The following DAAM1 variants were observed in gnomAD, a reference collection of about 807,000 sequenced individuals.
DAAM1 encodes the protein disheveled-associated activator of morphogenesis 1.
Under a neutral mutation model 130.0 loss-of-function variants are expected in DAAM1, and 52 were observed. The ratio of observed to expected loss-of-function variants is 0.40; its 90% CI spans 0.32 to 0.50. DAAM1 has a LOEUF of 0.50. Ranked by LOEUF, DAAM1 falls within the 20% of genes least tolerant of loss-of-function variation. The pLI is 0.61. For synonymous variants in DAAM1, 452 were observed against 444.5 expected, an observed-to-expected ratio of 1.02 and a Z score of -0.21; for missense variants, 1,134 against 1,303.8, an observed-to-expected ratio of 0.87 and a Z score of 2.01.
In DAAM1 at chr14:59,345,571, G is replaced by A. The variant is rs1026971368; in HGVS notation, c.2076-1968G>A. Reference sequence around the variant, plus strand: ...CAAGGTGGATGGTTTTAACATAATCGGGTCCCAAATCTAGAGAAAAAGACA... The same window carrying A: ...CAAGGTGGATGGTTTTAACATAATCAGGTCCCAAATCTAGAGAAAAAGACA... On this transcript the variant is annotated intron_variant, in intron 16 of 24. Coordinates refer to ENST00000360909, the MANE Select transcript of DAAM1 (RefSeq NM_001270520.2). Among the ~76,000 whole-genome samples, 10 of 152,158 alleles carry A rather than the reference G, an allele frequency of 6.6e-5. No individual in the cohort carries two copies. The East Asian group carries it at 1.2e-3, about 18-fold the overall frequency.
intron 1 of DAAM1, among the ~76,000 whole-genome samples, chr14:59,200,199 A>G (rs1888056027): frequency 6.6e-6 from 1 of 152,106 alleles, no homozygotes; most frequent in Non-Finnish European, 1.5e-5. Flanking sequence ...TGAGACACTG[A>G]TGCTGGGTCA....
intron 17 of DAAM1, 76 bp from the exon 18 acceptor site, chr14:59,352,450 T>G (rs148909242): frequency 1.8e-5 from 20 of 1,117,428 alleles, no homozygotes; most frequent in Non-Finnish European, 2.4e-5. Context: ...TGGGACAGAT[T>G]AACTGAAAGG....
intron 3 of DAAM1, among the ~76,000 whole-genome samples, chr14:59,303,027 G>A (rs1016906337): frequency 6.6e-6 from 1 of 152,142 alleles, no homozygotes; most frequent in Non-Finnish European, 1.5e-5. Context: ...TGTGTCAGTT[G>A]CCAAGGTAGG....
chr14:59,322,911 G>T lies in DAAM1; in HGVS notation c.460G>T (p.Asp154Tyr). 6.2e-7 allele frequency: 1 copy of T among 1,610,848 alleles called. No homozygotes were observed. The highest frequency in any genetic ancestry group is 8.5e-7 in the Non-Finnish European group (1 of 1,177,704). Reference sequence around the variant, plus strand: ...TGACAGGTTTGTAACCAGATTCATCGACTTGGATGGCCTATCATGTATCCT... The same window carrying T: ...TGACAGGTTTGTAACCAGATTCATCTACTTGGATGGCCTATCATGTATCCT... ...KPMRFVTRFIDLDGLSCILNF... is the reference protein window; with the variant it reads ...KPMRFVTRFIYLDGLSCILNF... The change falls in exon 6 of 25, where the codon GAC (aspartate) becomes TAC (tyrosine). Residue 154 changes from aspartate (D) to tyrosine (Y), a missense_variant. By Grantham distance (160) the Asp-to-Tyr change is radical. Transcript: ENST00000360909.
chr14:59,320,284 C>A (rs1884956667), intron 4 of DAAM1, among the ~76,000 whole-genome samples: 1 of 152,194 alleles, frequency 6.6e-6, no homozygotes, highest in South Asian at 2.1e-4. Context: ...AATAGTTATA[C>A]AAGCATTTGG....
At chr14:59,273,309 A>G (rs976944760) in intron 2 of DAAM1, among the ~76,000 whole-genome samples, 1 of 152,176 alleles carries the variant, frequency 6.6e-6, no homozygotes, top group African/African-American at 2.4e-5. Context: ...CATATTAAAT[A>G]TTTTGTTACC....
At chr14:59,222,815 C>G (rs1888820019) in intron 1 of DAAM1, among the ~76,000 whole-genome samples, 1 of 152,224 alleles carries the variant, frequency 6.6e-6, no homozygotes, top group South Asian at 2.1e-4. Context: ...ATTTTCCAAT[C>G]ATGTCTGTGG....
chr14:59,316,404 T>C (rs1884798028), intron 4 of DAAM1, among the ~76,000 whole-genome samples: 1 of 152,230 alleles, frequency 6.6e-6, no homozygotes, highest in Non-Finnish European at 1.5e-5. Flanking sequence ...TCTTGACTTT[T>C]AGTAACTTCC....
chr14:59,294,122 G>A (rs1883858938), intron 3 of DAAM1, among the ~76,000 whole-genome samples: 1 of 152,188 alleles, frequency 6.6e-6, no homozygotes, highest in African/African-American at 2.4e-5. Context: ...AGAGTAAGGG[G>A]CCACTGAAGC....
intron 1 of DAAM1, among the ~76,000 whole-genome samples, chr14:59,260,194 T>A (rs1882105123): frequency 6.6e-6 from 1 of 152,248 alleles, no homozygotes; most frequent in African/African-American, 2.4e-5. Flanking sequence ...AACTTGGATA[T>A]TTTTGATAGG....
chr14:59,367,169 TCCCA>T (rs1886950388), intron 23 of DAAM1, among the ~76,000 whole-genome samples: 1 of 151,972 alleles, frequency 6.6e-6, no homozygotes, highest in Non-Finnish European at 1.5e-5. Context: ...GTGCCTGTAA[TCCCA>T]GCTACTTGGG....
At chr14:59,352,432 TTTTATCTTGGGAC>T in intron 17 of DAAM1, 81 bp from the exon 18 acceptor site, 1 of 910,840 alleles carries the variant, frequency 1.1e-6, no homozygotes, top group Non-Finnish European at 1.7e-6. Context: ...AGAGTTAACA[TTTTATCTTGGGAC>T]AGATTAACTG....
At chr14:59,281,787 A>C (rs1883232764) in intron 2 of DAAM1, among the ~76,000 whole-genome samples, 2 of 152,132 alleles carry the variant, frequency 1.3e-5, no homozygotes, top group African/African-American at 4.8e-5. Context: ...TTGATCTTGT[A>C]AGGCTGTGAT....
intron 1 of DAAM1, among the ~76,000 whole-genome samples, chr14:59,242,889 G>C (rs1222235760): frequency 6.6e-6 from 1 of 152,142 alleles, no homozygotes; most frequent in African/African-American, 2.4e-5. Context: ...TTACAGATGA[G>C]AAAATTGGGC....
chr14:59,299,206 G>A (rs992702843), intron 3 of DAAM1, among the ~76,000 whole-genome samples: 5 of 152,092 alleles, frequency 3.3e-5, no homozygotes, highest in African/African-American at 1.2e-4. Context: ...TGATGTATGT[G>A]TAATACAATT....
chr14:59,231,182 AT>A (rs1460999744), intron 1 of DAAM1, among the ~76,000 whole-genome samples: 1 of 152,180 alleles, frequency 6.6e-6, no homozygotes, highest in Admixed American at 6.5e-5. Flanking sequence ...CCCACTTAAT[AT>A]TTTTAATTGA....
intron 3 of DAAM1, among the ~76,000 whole-genome samples, chr14:59,292,875 T>C (rs1033199690): frequency 6.6e-6 from 1 of 152,244 alleles, no homozygotes; most frequent in Non-Finnish European, 1.5e-5. Context: ...TTTCTCTTTG[T>C]ATACATTGAA....
At chr14:59,211,215 C>T (rs909745362) in intron 1 of DAAM1, among the ~76,000 whole-genome samples, 1 of 151,984 alleles carries the variant, frequency 6.6e-6, no homozygotes, top group African/African-American at 2.4e-5. Flanking sequence ...TTGTAATAAT[C>T]CCAGTAACAG....
intron 2 of DAAM1, 23 bp from the exon 3 acceptor site, chr14:59,291,194 C>G (rs1566687426): frequency 6.3e-7 from 1 of 1,580,692 alleles, no homozygotes; most frequent in Non-Finnish European, 8.6e-7. Flanking sequence ...CTATGAAACA[C>G]TAATTATTTT....
Sources: allele counts gnomAD v4.1 joint callset (sites outside exome capture counted in the v4.1 genomes callset), GRCh38; gene constraint gnomAD v4.1.1; transcripts MANE v1.5; gene names NCBI Gene and HGNC (gene_info 2026-07-23, HGNC 2026-07-21).